Variants in PLB1 observed in about 807,000 individuals in gnomAD.
PLB1 encodes phospholipase B1, also known as phospholipase B1, membrane-associated.
In PLB1, 242 loss-of-function variants were observed where a neutral mutation model predicts 227.4. The ratio of observed to expected loss-of-function variants is 1.06; its 90% CI spans 0.96 to 1.18. PLB1 has a LOEUF of 1.18. Ranked by LOEUF, PLB1 falls within the 50% of genes most tolerant of loss-of-function variation. The pLI, the probability that PLB1 is intolerant of heterozygous loss-of-function variation, is 0.00. For missense variants in PLB1, 1,858 were observed against 1,816.3 expected, an observed-to-expected ratio of 1.02 and a Z score of -0.42; for synonymous variants, 757 against 682.2, an observed-to-expected ratio of 1.11 and a Z score of -1.71.
chr2:28,557,256 T>C (rs146862229), intron 17 of PLB1, among the ~76,000 whole-genome samples: 49 of 152,302 alleles, frequency 3.2e-4, no homozygotes, highest in African/African-American at 1.2e-3. Flanking sequence ...CACTTAGCCT[T>C]TAATTCCAGT....
At chr2:28,517,410 A>G (rs1329955436) in intron 2 of PLB1, among the ~76,000 whole-genome samples, 1 of 152,166 alleles carries the variant, frequency 6.6e-6, no homozygotes, top group East Asian at 1.9e-4. Context: ...GGTATTCACA[A>G]AAGCAGAAGC....
intron 49 of PLB1, among the ~76,000 whole-genome samples, 191 bp from the exon 50 acceptor site, chr2:28,624,866 G>C (rs1046593924): frequency 6.6e-6 from 1 of 152,210 alleles, no homozygotes; most frequent in African/African-American, 2.4e-5. Flanking sequence ...GCAGGGGCTA[G>C]ATCAATGTGG....
rs1558767589 is a variant in PLB1, at chr2:28,563,111, T to A, written c.1206+12T>A. Reference sequence around the variant, plus strand: ...GTGACTCTCTCACGGTAAGTGACCCTGATGCAGAAGGGGCAGGAGGGGAAA... The same window carrying A: ...GTGACTCTCTCACGGTAAGTGACCCAGATGCAGAAGGGGCAGGAGGGGAAA... On this transcript the variant is annotated intron_variant, in intron 18 of 57. Transcript: ENST00000327757. 1 of 1,609,588 alleles carries A rather than the reference T, an allele frequency of 6.2e-7. No individual in the cohort carries two copies. The highest frequency in any genetic ancestry group is 8.5e-7 in the Non-Finnish European group (1 of 1,175,936).
At chr2:28,538,260 G>T (rs1284252895) in intron 9 of PLB1, 59 bp from the exon 10 acceptor site, 1 of 1,606,260 alleles carries the variant, frequency 6.2e-7, no homozygotes. Flanking sequence ...GAGTCTGGGT[G>T]GCCTCACCTC....
At chr2:28,563,992 C>A (rs895392934) in intron 18 of PLB1, among the ~76,000 whole-genome samples, 2 of 152,128 alleles carry the variant, frequency 1.3e-5, no homozygotes, top group African/African-American at 2.4e-5. Context: ...ATAATCTCAG[C>A]ACTTTAGAAG....
intron 18 of PLB1, among the ~76,000 whole-genome samples, chr2:28,563,507 A>AG (rs1466990344): frequency 6.9e-6 from 1 of 145,360 alleles, no homozygotes; most frequent in Non-Finnish European, 1.5e-5. Flanking sequence ...AGAAAAGCTA[A>AG]GGGAAGGTAC....
intron 53 of PLB1, among the ~76,000 whole-genome samples, chr2:28,630,073 G>A (rs1480930310): frequency 2.0e-5 from 3 of 152,162 alleles, no homozygotes; most frequent in South Asian, 2.1e-4. Flanking sequence ...GCTTCCAGCC[G>A]GTTGGCCCTC....
chr2:28,524,842 CTCTTT>C (rs1419315264), intron 4 of PLB1, among the ~76,000 whole-genome samples: 268 of 124,598 alleles, frequency 2.2e-3, no homozygotes, highest in Non-Finnish European at 3.5e-3. Context: ...CTCTCTCTCT[CTCTTT>C]TTTTTTTTTT....
In PLB1 at chr2:28,620,319, G is replaced by A; in HGVS notation, c.3370G>A (p.Gly1124Arg). The change falls in exon 47 of 58, where the codon GGA becomes AGA. Residue 1124 changes from glycine to arginine, a missense_variant. Gly to Arg is a moderately radical substitution (Grantham distance 125, BLOSUM62 -2). Transcript: ENST00000327757. ...CAGTGACCTACCCACATCTTGGAGG[G>A]GACTCTCTTGGAGGTGAGGATGTTC... ...NSSDLPTSWRGLSWSIGGDGN... is the reference protein window; with the variant it reads ...NSSDLPTSWRRLSWSIGGDGN... 1 of 1,604,274 alleles carries A rather than the reference G, an allele frequency of 6.2e-7. No homozygotes were observed. Among genetic ancestry groups the A allele is most frequent in the Non-Finnish European group, 8.5e-7 (1 of 1,174,462 alleles).
chr2:28,629,443 A>G (rs943804117), intron 53 of PLB1, among the ~76,000 whole-genome samples: 1 of 152,206 alleles, frequency 6.6e-6, no homozygotes, highest in Non-Finnish European at 1.5e-5. Context: ...GCTCCCTGAC[A>G]TTGTCAGTGA....
At chr2:28,616,690 A>T (rs1046176421) in intron 44 of PLB1, among the ~76,000 whole-genome samples, 4 of 152,262 alleles carry the variant, frequency 2.6e-5, no homozygotes, top group Admixed American at 6.5e-5. Flanking sequence ...AGTATTTGTC[A>T]TCTGCACACA....
At chr2:28,554,413 A>C (rs572260763) in intron 17 of PLB1, among the ~76,000 whole-genome samples, 1 of 149,216 alleles carries the variant, frequency 6.7e-6, no homozygotes, top group African/African-American at 2.5e-5. Context: ...CTGCAGCCTC[A>C]ACCTCCTGGG....
chr2:28,548,777 C>T, intron 14 of PLB1, 83 bp from the exon 15 acceptor site: 1 of 1,326,384 alleles, frequency 7.5e-7, no homozygotes, highest in East Asian at 2.3e-5. Flanking sequence ...TGCTGCTGGA[C>T]TAATGAGTCT....
Position 28,538,265 on chromosome 2 carries a change from C to T in PLB1, c.556-54C>T, listed in dbSNP as rs974830683. ...GGCCTGTTGTGAGTCTGGGTGGCCT[C>T]ACCTCGTGGTCCTCCTGCAGGCACC... On this transcript the variant is annotated intron_variant, in intron 9 of 57. Transcript: ENST00000327757. The T allele has an allele frequency of 8.1e-6, 13 of 1,612,502 alleles. No homozygotes were observed. In the South Asian group the frequency reaches 1.1e-4, roughly 14 times the overall value.
chr2:28,548,470 G>A, intron 14 of PLB1: 1 of 444,870 alleles, frequency 2.2e-6, no homozygotes, highest in Non-Finnish European at 4.7e-6. Context: ...TAGATGTTTG[G>A]TTGGATGCAG....
At chr2:28,635,148 A>T (rs1382796706) in intron 56 of PLB1, among the ~76,000 whole-genome samples, 5 of 152,216 alleles carry the variant, frequency 3.3e-5, no homozygotes, top group African/African-American at 1.2e-4. Context: ...TCAAAATAAC[A>T]AAAACAAAAC....
chr2:28,542,592 C>A (rs906369406), intron 13 of PLB1, among the ~76,000 whole-genome samples: 20 of 152,190 alleles, frequency 1.3e-4, no homozygotes, highest in Non-Finnish European at 2.9e-4. Flanking sequence ...AGAGAATCTC[C>A]AGGGATGCCA....
intron 9 of PLB1, among the ~76,000 whole-genome samples, chr2:28,532,823 T>C (rs1482855363): frequency 2.0e-5 from 3 of 152,228 alleles, no homozygotes; most frequent in Non-Finnish European, 2.9e-5. Flanking sequence ...TTCCAAGTGC[T>C]TTGGCTTTTC....
chr2:28,593,636 C>G (rs1682380734), intron 32 of PLB1, 45 bp from the exon 33 acceptor site: 1 of 1,556,604 alleles, frequency 6.4e-7, no homozygotes, highest in Non-Finnish European at 8.9e-7. Context: ...CCTCCCTGTT[C>G]TCTGACTTGC....
Sources: allele counts gnomAD v4.1 joint callset (sites outside exome capture counted in the v4.1 genomes callset), GRCh38; gene constraint gnomAD v4.1.1; transcripts MANE v1.5; gene names NCBI Gene and HGNC (gene_info 2026-07-23, HGNC 2026-07-21).